Variants in CYB5R4 observed in about 807,000 individuals in gnomAD.
The protein encoded by CYB5R4 is cytochrome b5 reductase 4.
A neutral mutation model predicts 70.2 loss-of-function variants in CYB5R4; 55 were observed. The observed-to-expected ratio is 0.78, with a 90% confidence interval of 0.63 to 0.98. The LOEUF is 0.98. Ranked by LOEUF, CYB5R4 falls within the 50% of genes least tolerant of loss-of-function variation. CYB5R4 has a pLI of 0.00. For synonymous variants in CYB5R4, 197 were observed against 199.5 expected, an observed-to-expected ratio of 0.99 and a Z score of 0.11; for missense variants, 562 against 612.6, an observed-to-expected ratio of 0.92 and a Z score of 0.87.
At chr6:83,899,986 A>G (rs1217253904) in intron 3 of CYB5R4, among the ~76,000 whole-genome samples, 1 of 151,812 alleles carries the variant, frequency 6.6e-6, no homozygotes, top group African/African-American at 2.4e-5. Flanking sequence ...CTCTGATCTT[A>G]GTTATTTCTT....
At chr6:83,875,008 A>C (rs1257054446) in intron 2 of CYB5R4, among the ~76,000 whole-genome samples, 3 of 151,506 alleles carry the variant, frequency 2.0e-5, no homozygotes, top group Non-Finnish European at 4.4e-5. Flanking sequence ...TTTTTAGTAG[A>C]GATGGGGTTT....
chr6:83,918,860 G>A (rs545329067), intron 6 of CYB5R4, among the ~76,000 whole-genome samples: 8 of 152,092 alleles, frequency 5.3e-5, no homozygotes, highest in Non-Finnish European at 1.2e-4. Context: ...AGGGACTAAG[G>A]ATGCCCTCTG....
Position 83,868,152 on chromosome 6 carries a change from A to T in CYB5R4, c.229+3824A>T, listed in dbSNP as rs183057996. On this transcript the variant is annotated intron_variant, in intron 2 of 15. Coordinates refer to ENST00000369681, the MANE Select transcript of CYB5R4 (RefSeq NM_016230.4). ...TTTCATCAAAACTGTGCCACAGGGA[A>T]GCATGGTATCATAGTGCCTTTTTTT... 9.5e-4 allele frequency among the ~76,000 whole-genome samples: 145 copies of T among 151,862 alleles called. 2 individuals are homozygous for T. The highest frequency in any genetic ancestry group is 2.5e-4 in the Non-Finnish European group (17 of 67,980).
Position 83,965,297 on chromosome 6 carries a change from A to G in CYB5R4, c.*5419A>G, listed in dbSNP as rs1042793470. On this transcript the variant is annotated 3_prime_UTR_variant, in exon 16 of 16. Transcript: ENST00000369681. Reference sequence around the variant, plus strand: ...GGATGGAGGCTGTACCCTGAAAGCCACAGGGCCAGAGCTGCCCAAGACCAT... The same window carrying G: ...GGATGGAGGCTGTACCCTGAAAGCCGCAGGGCCAGAGCTGCCCAAGACCAT... 26 of 152,298 alleles carry G rather than the reference A, an allele frequency of 1.7e-4. No individual in the cohort carries two copies. Among genetic ancestry groups the G allele is most frequent in the African/African-American group, 6.3e-4 (26 of 41,462 alleles). The allele number at this position is 152,298 out of a possible 1,614,324, so 9.4% of individuals were successfully genotyped here.
chr6:83,891,627 T>A (rs1437119683), intron 2 of CYB5R4, among the ~76,000 whole-genome samples: 1 of 152,226 alleles, frequency 6.6e-6, no homozygotes, highest in East Asian at 1.9e-4. Flanking sequence ...ACTGAGACAC[T>A]ATTTAACAGT....
intron 14 of CYB5R4, among the ~76,000 whole-genome samples, chr6:83,946,959 A>G (rs2099470714): frequency 1.3e-5 from 2 of 152,148 alleles, no homozygotes; most frequent in African/African-American, 4.8e-5. Flanking sequence ...GGAAGAATCA[A>G]TATGAAAATG....
In CYB5R4 at chr6:83,859,758, C is replaced by T. The variant is rs367864438; in HGVS notation, c.-25C>T. 1.2e-6 allele frequency: 2 copies of T among 1,611,002 alleles called. No homozygotes were observed. The highest frequency in any genetic ancestry group is 2.2e-5 in the South Asian group (2 of 90,790). On this transcript the variant is annotated 5_prime_UTR_variant, in exon 1 of 16. Transcript: ENST00000369681. The stretch of plus-strand genomic sequence containing the variant: ...GTCCCGTCTGGCGGCGATCCCCGGG[C>T]AGGGCCCGGGGCCGGGGTTTGAAGA...
chr6:83,903,182 G>C (rs2129136552), intron 3 of CYB5R4, among the ~76,000 whole-genome samples: 1 of 152,070 alleles, frequency 6.6e-6, no homozygotes, highest in South Asian at 2.1e-4. Flanking sequence ...TTATTATTTT[G>C]AGGTATATTC....
At chr6:83,901,684 C>T (rs1407280339) in intron 3 of CYB5R4, among the ~76,000 whole-genome samples, 2 of 149,440 alleles carry the variant, frequency 1.3e-5, no homozygotes, top group African/African-American at 5.1e-5. Context: ...TTTACATCCT[C>T]ACCAGCGTCT....
intron 12 of CYB5R4, 133 bp from the exon 13 acceptor site, chr6:83,939,923 A>G: frequency 5.2e-6 from 3 of 574,716 alleles, no homozygotes; most frequent in Non-Finnish European, 3.1e-6. Context: ...ATAGTCTGCA[A>G]GTTAAGTATT....
intron 5 of CYB5R4, 51 bp downstream of exon 5, chr6:83,914,499 AGTAT>A: frequency 7.0e-7 from 1 of 1,420,986 alleles, no homozygotes; most frequent in Non-Finnish European, 9.5e-7. Context: ...GCTTATGAAT[AGTAT>A]TGATACACAG....
intron 3 of CYB5R4, among the ~76,000 whole-genome samples, chr6:83,908,568 T>C (rs2099464178): frequency 6.6e-6 from 1 of 152,190 alleles, no homozygotes; most frequent in Non-Finnish European, 1.5e-5. Flanking sequence ...TTCTTAAATA[T>C]CTTCCTCATG....
chr6:83,927,689 A>G (rs367858109), intron 10 of CYB5R4, among the ~76,000 whole-genome samples: 4 of 152,178 alleles, frequency 2.6e-5, no homozygotes, highest in East Asian at 3.8e-4. Context: ...AAACATTTTC[A>G]TGTGTTCAGC....
intron 10 of CYB5R4, among the ~76,000 whole-genome samples, chr6:83,927,762 T>C (rs540674522): frequency 1.3e-5 from 2 of 152,128 alleles, no homozygotes; most frequent in Admixed American, 1.3e-4. Flanking sequence ...TACGTAGGTG[T>C]GATTGATTAT....
In CYB5R4 at chr6:83,962,064, T is replaced by A. The variant is rs1253760145; in HGVS notation, c.*2186T>A. ...TGACTAATTTGAGAATCAGCTGAGC[T>A]TCAGTTTTCAATATCCATTTACTTC... On this transcript the variant is annotated 3_prime_UTR_variant, in exon 16 of 16. Coordinates refer to ENST00000369681, the MANE Select transcript of CYB5R4 (RefSeq NM_016230.4). 1.3e-5 allele frequency: 2 copies of A among 152,232 alleles called. No individual in the cohort carries two copies. The highest frequency in any genetic ancestry group is 3.9e-4 in the East Asian group (2 of 5,174). 9.4% of individuals were successfully genotyped at this position (152,232 alleles called of 1,614,324 possible). A position where few individuals can be genotyped will look rare whatever the true frequency, so the allele number is the denominator to read the frequency against.
Position 83,940,496 on chromosome 6 carries a change from T to G in CYB5R4, c.1260-19T>G, listed in dbSNP as rs751019079. 26 of 1,122,522 alleles carry G rather than the reference T, an allele frequency of 2.3e-5. No homozygotes were observed. Among genetic ancestry groups the G allele is most frequent in the Admixed American group, 3.2e-5 (1 of 31,350 alleles). The allele number at this position is 1,122,522 out of a possible 1,614,324, so 69.5% of individuals were successfully genotyped here. A position where few individuals can be genotyped will look rare whatever the true frequency, so the allele number is the denominator to read the frequency against. On this transcript the variant is annotated intron_variant, in intron 13 of 15. Coordinates refer to ENST00000369681, the MANE Select transcript of CYB5R4 (RefSeq NM_016230.4). ...ATGTAATTAATTAGTTATTTCTGAG[T>G]TTTTTTTTTTCTCTTAAGGAAAGTG... is the stretch of plus-strand genomic sequence containing the variant.
intron 14 of CYB5R4, among the ~76,000 whole-genome samples, chr6:83,955,010 T>C (rs1007159131): frequency 3.9e-5 from 6 of 151,950 alleles, no homozygotes; most frequent in African/African-American, 1.4e-4. Flanking sequence ...CCTCCCAAGA[T>C]GCTAGGGTTA....
chr6:83,912,189 T>C (rs754984483), intron 4 of CYB5R4, among the ~76,000 whole-genome samples: 5 of 152,180 alleles, frequency 3.3e-5, no homozygotes, highest in Admixed American at 6.5e-5. Context: ...ATCTACTGTT[T>C]TCCTCTCCCA....
At chr6:83,951,964 C>G (rs2099471606) in intron 14 of CYB5R4, among the ~76,000 whole-genome samples, 1 of 151,900 alleles carries the variant, frequency 6.6e-6, no homozygotes. Context: ...TGACAAATGC[C>G]TCTGACAATG....
Sources: gnomAD v4.1 joint callset for allele counts (sites outside exome capture counted in the v4.1 genomes callset) on GRCh38, gnomAD v4.1.1 for gene constraint, MANE v1.5 for transcripts, NCBI Gene and HGNC (gene_info 2026-07-23, HGNC 2026-07-21) for gene names.